Variants in TMEM248 observed in about 807,000 individuals in gnomAD.
The protein encoded by TMEM248 is UPF0458 protein C7orf42.
TMEM248 carries 9 observed loss-of-function variants against 30.3 expected under a neutral mutation model. That is an observed-to-expected ratio of 0.30 (90% confidence interval 0.18 to 0.52). The LOEUF is 0.52. Among genes scored for constraint, TMEM248 ranks in the 20% least tolerant of loss-of-function variants. The pLI is 0.97. For missense variants in TMEM248, 338 were observed against 403.3 expected (o/e 0.84, Z 1.39); for synonymous variants, 184 against 154.4 (o/e 1.19, Z -1.42).
intron 1 of TMEM248, among the ~76,000 whole-genome samples, chr7:66,923,034 C>T (rs1791427267): frequency 2.0e-5 from 3 of 152,068 alleles, no homozygotes; most frequent in South Asian, 2.1e-4. Flanking sequence ...ATAGTTTCTG[C>T]CTGTAAGGAA....
chr7:66,937,438 A>G (rs766783659), intron 1 of TMEM248, among the ~76,000 whole-genome samples: 17 of 152,236 alleles, frequency 1.1e-4, no homozygotes, highest in Admixed American at 7.2e-4. Flanking sequence ...GATCTGTCCA[A>G]TGCTGAAAGC....
intron 1 of TMEM248, among the ~76,000 whole-genome samples, chr7:66,928,358 A>T (rs1412560086): frequency 6.7e-6 from 1 of 150,346 alleles, no homozygotes; most frequent in African/African-American, 2.4e-5. Flanking sequence ...TTGGCATTTG[A>T]CTTGAAACTG....
In TMEM248 at chr7:66,956,217, A is replaced by C. The variant is rs562589483; in HGVS notation, c.*695A>C. 1 of 152,328 alleles carries C rather than the reference A, an allele frequency of 6.6e-6. No homozygotes were observed. The highest frequency in any genetic ancestry group is 2.1e-4 in the South Asian group (1 of 4,828). The allele number at this position is 152,328 out of a possible 1,614,324, so 9.4% of individuals were successfully genotyped here. Reference sequence around the variant, plus strand: ...AAAGTTAAATATTTAAGTCACATACATGGTAAAGATCTAAGTTTCATTTTC... The same window carrying C: ...AAAGTTAAATATTTAAGTCACATACCTGGTAAAGATCTAAGTTTCATTTTC... On this transcript the variant is annotated 3_prime_UTR_variant, in exon 7 of 7. Coordinates refer to ENST00000341567, the MANE Select transcript of TMEM248 (RefSeq NM_017994.5).
At chr7:66,946,133 G>A (rs1330195762) in intron 3 of TMEM248, among the ~76,000 whole-genome samples, 4 of 151,384 alleles carry the variant, frequency 2.6e-5, no homozygotes, top group Non-Finnish European at 2.9e-5. Flanking sequence ...ATGGTGGTGC[G>A]CACTTGTAGT....
intron 1 of TMEM248, among the ~76,000 whole-genome samples, chr7:66,941,198 T>C (rs1305306328): frequency 6.6e-6 from 1 of 152,064 alleles, no homozygotes; most frequent in Non-Finnish European, 1.5e-5. Context: ...CTGGCCAATA[T>C]GGTGAAACCC....
chr7:66,951,246 C>T, intron 5 of TMEM248, 111 bp downstream of exon 5: 1 of 1,012,760 alleles, frequency 9.9e-7, no homozygotes, highest in Non-Finnish European at 1.3e-6. Context: ...GTAAGCGTAT[C>T]CTCTGCCACT....
At chr7:66,943,730 CACAT>C (rs1792022575) in intron 2 of TMEM248, among the ~76,000 whole-genome samples, 2 of 151,756 alleles carry the variant, frequency 1.3e-5, no homozygotes, top group East Asian at 3.9e-4. Flanking sequence ...TACTAAATGT[CACAT>C]ACAGTTAAAC....
intron 3 of TMEM248, among the ~76,000 whole-genome samples, chr7:66,946,545 A>C (rs1792112052): frequency 6.6e-6 from 1 of 151,580 alleles, no homozygotes; most frequent in Non-Finnish European, 1.5e-5. Context: ...ATGCCACTGC[A>C]CTCCAGTCTA....
chr7:66,955,529 A>T lies in TMEM248; in HGVS notation c.*7A>T. 6.2e-7 allele frequency: 1 copy of T among 1,614,046 alleles called. No homozygotes were observed. Among genetic ancestry groups the T allele is most frequent in the Non-Finnish European group, 8.5e-7 (1 of 1,179,998 alleles). ...GGCTTTGGCTGAAGCCTAATTCCACAGCTCCTTGTTTTTTGAGAGAGACTG... is the reference window on the plus strand; with the variant it reads ...GGCTTTGGCTGAAGCCTAATTCCACTGCTCCTTGTTTTTTGAGAGAGACTG... On this transcript the variant is annotated 3_prime_UTR_variant, in exon 7 of 7. Transcript: ENST00000341567.
At chr7:66,945,423 G>A (rs1308520753) in intron 3 of TMEM248, among the ~76,000 whole-genome samples, 162 bp downstream of exon 3, 4 of 152,070 alleles carry the variant, frequency 2.6e-5, no homozygotes, top group African/African-American at 9.7e-5. Context: ...CTGTTCCATC[G>A]TTACATGGTA....
chr7:66,936,871 A>C (rs958675330), intron 1 of TMEM248, among the ~76,000 whole-genome samples: 2 of 152,062 alleles, frequency 1.3e-5, no homozygotes, highest in African/African-American at 4.8e-5. Context: ...CTGGTTCAAA[A>C]CACCAACTCT....
chr7:66,944,065 G>A (rs1014620900), intron 2 of TMEM248, among the ~76,000 whole-genome samples: 6 of 150,648 alleles, frequency 4.0e-5, no homozygotes, highest in Non-Finnish European at 8.8e-5. Context: ...AAAGTGCTGG[G>A]ATTACAGGCG....
intron 2 of TMEM248, 27 bp downstream of exon 2, chr7:66,942,051 G>A: frequency 6.2e-7 from 1 of 1,605,082 alleles, no homozygotes; most frequent in Non-Finnish European, 8.5e-7. Flanking sequence ...CTTCTCCCGG[G>A]CTGGCTGGTC....
In TMEM248 at chr7:66,957,367, A is replaced by G. The variant is rs1352486352; in HGVS notation, c.*1845A>G. ...AAAATAATCACCATAGTAACTTGAT[A>G]TGTTAGTATTTTTCTTTTTCCTTTT... On this transcript the variant is annotated 3_prime_UTR_variant, in exon 7 of 7. Transcript: ENST00000341567. 1 of 152,232 alleles carries G rather than the reference A, an allele frequency of 6.6e-6. No individual in the cohort carries two copies. Among genetic ancestry groups the G allele is most frequent in the East Asian group, 1.9e-4 (1 of 5,204 alleles). 9.4% of individuals were successfully genotyped at this position (152,232 alleles called of 1,614,324 possible). A position where few individuals can be genotyped will look rare whatever the true frequency, so the allele number is the denominator to read the frequency against.
At chr7:66,942,182 C>T (rs139196360) in intron 2 of TMEM248, among the ~76,000 whole-genome samples, 158 bp downstream of exon 2, 1 of 152,282 alleles carries the variant, frequency 6.6e-6, no homozygotes, top group Non-Finnish European at 1.5e-5. Context: ...CTCCCCAGGA[C>T]TCACTTTGTT....
In TMEM248 at chr7:66,948,671, C is replaced by T; in HGVS notation, c.573C>T (p.Ser191=). 6.2e-7 allele frequency: 1 copy of T among 1,612,224 alleles called. No individual in the cohort carries two copies. The highest frequency in any genetic ancestry group is 1.1e-5 in the South Asian group (1 of 91,042). The change falls in exon 4 of 7, where the codon AGC becomes AGT. Residue 191 remains serine (S), a synonymous_variant. Transcript: ENST00000341567. ...VFTACMTLTA[S]PGVFPVTVQP... The stretch of plus-strand genomic sequence containing the variant: ...CAGCCTGCATGACCCTCACGGCCAG[C>T]CCTGGGGTGTTCCCCGTCACTGTGT...
chr7:66,939,715 T>C (rs1013649517), intron 1 of TMEM248, among the ~76,000 whole-genome samples: 8 of 151,916 alleles, frequency 5.3e-5, no homozygotes, highest in African/African-American at 1.5e-4. Flanking sequence ...AGGAAAATAA[T>C]TGTGCTCTTG....
intron 1 of TMEM248, among the ~76,000 whole-genome samples, chr7:66,927,323 T>C (rs1791551231): frequency 6.6e-6 from 1 of 152,160 alleles, no homozygotes; most frequent in African/African-American, 2.4e-5. Context: ...GTTCCAGACA[T>C]GTAATTATGT....
In TMEM248 at chr7:66,950,961, G is replaced by T. The variant is rs113294828; in HGVS notation, c.606G>T (p.Pro202=). 3 of 1,585,448 alleles carry T rather than the reference G, an allele frequency of 1.9e-6. No homozygotes were observed. The highest frequency in any genetic ancestry group is 2.6e-6 in the Non-Finnish European group (3 of 1,165,924). The change falls in exon 5 of 7, where the codon CCG becomes CCT. Residue 202 remains proline (P), a synonymous_variant. Coordinates refer to ENST00000341567, the MANE Select transcript of TMEM248 (RefSeq NM_017994.5). ...PGVFPVTVQP[P]HCVPDTYSNA... ...TCCTCTTCTCCTGCAGACAGCCACC[G>T]CACTGTGTTCCTGACACGTACAGCA...
Sources: gnomAD v4.1 joint callset for allele counts (sites outside exome capture counted in the v4.1 genomes callset) on GRCh38, gnomAD v4.1.1 for gene constraint, MANE v1.5 for transcripts, NCBI Gene and HGNC (gene_info 2026-07-23, HGNC 2026-07-21) for gene names.